HMGCS1: variants seen among roughly 807,000 people sequenced by gnomAD.
HMGCS1 encodes 3-hydroxy-3-methylglutaryl-CoA synthase 1.
HMGCS1 carries 9 observed loss-of-function variants against 52.3 expected under a neutral mutation model. That is an observed-to-expected ratio of 0.17 (90% confidence interval 0.10 to 0.30). The LOEUF is 0.30. Ranked by LOEUF, HMGCS1 falls within the 10% of genes least tolerant of loss-of-function variation. The pLI is 1.00. For missense variants in HMGCS1, 320 were observed against 620.9 expected, an observed-to-expected ratio of 0.52 and a Z score of 5.15; for synonymous variants, 176 against 214.4, an observed-to-expected ratio of 0.82 and a Z score of 1.57.
intron 2 of HMGCS1, among the ~76,000 whole-genome samples, chr5:43,304,069 G>A (rs1423977389): frequency 6.6e-6 from 1 of 152,162 alleles, no homozygotes; most frequent in Non-Finnish European, 1.5e-5. Context: ...AATATAAAAG[G>A]GCTGCCTAAT....
Position 43,292,466 on chromosome 5 carries a change from T to A in HMGCS1, c.1473+8A>T, listed in dbSNP as rs1316619736. 6.2e-7 allele frequency: 1 copy of A among 1,612,300 alleles called. No individual in the cohort carries two copies. The highest frequency in any genetic ancestry group is 1.3e-5 in the African/African-American group (1 of 74,884). On this transcript the variant is annotated splice_region_variant and intron_variant, in intron 10 of 10. Coordinates refer to ENST00000325110, the MANE Select transcript of HMGCS1 (RefSeq NM_001098272.3). ...CTAAGATATGGAGATGGGAACTCTT[T>A]TATTTACCTCAGTTGCTATGTTTGA...
chr5:43,295,996 G>C, intron 5 of HMGCS1, 79 bp from the exon 6 acceptor site: 1 of 1,059,240 alleles, frequency 9.4e-7, no homozygotes, highest in Non-Finnish European at 1.4e-6. Flanking sequence ...ATAAAGCTAG[G>C]ATATTTGTAT....
rs1753933377 is a variant in HMGCS1, at chr5:43,294,455, T to TA, written c.1076+235dup. ...TATGGTTCAACTGTAGGTCAAGAAT[T>TA]AAAAAACCATGAAAACAGAAGCCAG... is the stretch of plus-strand genomic sequence containing the variant. On this transcript the variant is annotated intron_variant, in intron 7 of 10. Coordinates refer to ENST00000325110, the MANE Select transcript of HMGCS1 (RefSeq NM_001098272.3). The TA allele has an allele frequency of 8.1e-6, 4 of 491,448 alleles. No individual in the cohort carries two copies. In the Admixed American group the frequency reaches 1.5e-4, roughly 18 times the overall value. The allele number at this position is 491,448 out of a possible 1,614,324, so 30.4% of individuals were successfully genotyped here.
chr5:43,287,611 C>T lies in HMGCS1; in HGVS notation c.*3520G>A, dbSNP rs961527404. 6 of 152,226 alleles carry T rather than the reference C, an allele frequency of 3.9e-5. No homozygotes were observed. The highest frequency in any genetic ancestry group is 1.9e-4 in the East Asian group (1 of 5,180). The allele number at this position is 152,226 out of a possible 1,614,324, so 9.4% of individuals were successfully genotyped here. A position where few individuals can be genotyped will look rare whatever the true frequency, so the allele number is the denominator to read the frequency against. Reference sequence around the variant, plus strand: ...TCTCCTCCTCTTTTGAGGAGACTTACGAAATGCATTTCAGAACTGTCTGCC... The same window carrying T: ...TCTCCTCCTCTTTTGAGGAGACTTATGAAATGCATTTCAGAACTGTCTGCC... On this transcript the variant is annotated 3_prime_UTR_variant, in exon 11 of 11. Coordinates refer to ENST00000325110, the MANE Select transcript of HMGCS1 (RefSeq NM_001098272.3).
At chr5:43,299,762 G>C (rs141844828) in intron 2 of HMGCS1, among the ~76,000 whole-genome samples, 1 of 152,146 alleles carries the variant, frequency 6.6e-6, no homozygotes, top group Non-Finnish European at 1.5e-5. Context: ...GTAGTGTCTA[G>C]ATTTACTTAC....
At chr5:43,311,754 T>C (rs1020974221) in intron 1 of HMGCS1, among the ~76,000 whole-genome samples, 1 of 152,156 alleles carries the variant, frequency 6.6e-6, no homozygotes, top group Non-Finnish European at 1.5e-5. Flanking sequence ...ATATTTAAGA[T>C]GAAAAACAAA....
rs1247350655 is a variant in HMGCS1 at position 43,290,370 on chromosome 5, G to C, written c.*761C>G. On this transcript the variant is annotated 3_prime_UTR_variant, in exon 11 of 11. Coordinates refer to ENST00000325110, the MANE Select transcript of HMGCS1 (RefSeq NM_001098272.3). ...TGTTCAGCATAATCTACCATGAACT[G>C]ATTCAGGAGCACACCTAGAGCTATA... The C allele has an allele frequency of 6.6e-6, 1 of 152,230 alleles. No individual in the cohort carries two copies. The highest frequency in any genetic ancestry group is 2.4e-5 in the African/African-American group (1 of 41,420). 9.4% of individuals were successfully genotyped at this position (152,230 alleles called of 1,614,324 possible).
chr5:43,298,449 T>G lies in HMGCS1; in HGVS notation c.448+69A>C, dbSNP rs1754142374. The G allele has an allele frequency of 5.5e-6, 6 of 1,100,912 alleles. No individual in the cohort carries two copies. In the East Asian group the frequency reaches 1.4e-4, roughly 26 times the overall value. 68.2% of individuals were successfully genotyped at this position (1,100,912 alleles called of 1,614,324 possible). A position where few individuals can be genotyped will look rare whatever the true frequency, so the allele number is the denominator to read the frequency against. Reference sequence around the variant, plus strand: ...AGTTTGCGTATTGCATTAATTAAAGTGTCATCTGGGTCTATTGAACCTTAG... The same window carrying G: ...AGTTTGCGTATTGCATTAATTAAAGGGTCATCTGGGTCTATTGAACCTTAG... On this transcript the variant is annotated intron_variant, in intron 3 of 10. Coordinates refer to ENST00000325110, the MANE Select transcript of HMGCS1 (RefSeq NM_001098272.3). The surrounding 1 kb of genome is among the most constrained non-coding windows in gnomAD (Gnocchi z 5.6).
At position 43,289,292 on chromosome 5, in the gene HMGCS1, G is replaced by C. The variant is rs546753049; in HGVS notation, c.*1839C>G. 1 of 152,662 alleles carries C rather than the reference G, an allele frequency of 6.6e-6. No individual in the cohort carries two copies. Among genetic ancestry groups the C allele is most frequent in the Admixed American group, 6.5e-5 (1 of 15,298 alleles). The allele number at this position is 152,662 out of a possible 1,614,324, so 9.5% of individuals were successfully genotyped here. A position where few individuals can be genotyped will look rare whatever the true frequency, so the allele number is the denominator to read the frequency against. On this transcript the variant is annotated 3_prime_UTR_variant, in exon 11 of 11. Transcript: ENST00000325110. The stretch of plus-strand genomic sequence containing the variant: ...GAAATGATAAATGAATGGAATGAGT[G>C]AACGAACTGAAATGAAATTAATGCC...
At chr5:43,303,443 C>T (rs1445200728) in intron 2 of HMGCS1, among the ~76,000 whole-genome samples, 5 of 152,238 alleles carry the variant, frequency 3.3e-5, no homozygotes, top group African/African-American at 9.6e-5. Context: ...GAGCCCTGAT[C>T]GGGAACCAAC....
At chr5:43,296,443 C>G (rs1161287001) in intron 5 of HMGCS1, among the ~76,000 whole-genome samples, 1 of 152,028 alleles carries the variant, frequency 6.6e-6, no homozygotes, top group Non-Finnish European at 1.5e-5. Flanking sequence ...ATTTTTAACC[C>G]CTTCTCATAA....
Position 43,291,106 on chromosome 5 carries a change from G to C in HMGCS1, c.*25C>G. On this transcript the variant is annotated 3_prime_UTR_variant, in exon 11 of 11. Coordinates refer to ENST00000325110, the MANE Select transcript of HMGCS1 (RefSeq NM_001098272.3). Reference sequence around the variant, plus strand: ...CCCCACCCCATGCCCACCCCACCCTGAAGTCTTGCACCTCACAGAGTATCT... The same window carrying C: ...CCCCACCCCATGCCCACCCCACCCTCAAGTCTTGCACCTCACAGAGTATCT... The C allele has an allele frequency of 1.4e-6, 1 of 699,096 alleles. No homozygotes were observed. Among genetic ancestry groups the C allele is most frequent in the Non-Finnish European group, 2.4e-6 (1 of 420,478 alleles). 43.3% of individuals were successfully genotyped at this position (699,096 alleles called of 1,614,324 possible).
chr5:43,309,244 T>G (rs1489222107), intron 1 of HMGCS1, among the ~76,000 whole-genome samples: 3 of 151,912 alleles, frequency 2.0e-5, no homozygotes, highest in African/African-American at 7.3e-5. Flanking sequence ...TCAAATTTTT[T>G]TTTTTTTTTG....
chr5:43,307,532 G>A (rs766735766), intron 2 of HMGCS1, among the ~76,000 whole-genome samples: 1 of 152,108 alleles, frequency 6.6e-6, no homozygotes, highest in Non-Finnish European at 1.5e-5. Flanking sequence ...TCTCTTATGA[G>A]TGAACACTAA....
At chr5:43,302,566 CAG>C (rs1265639259) in intron 2 of HMGCS1, among the ~76,000 whole-genome samples, 1 of 152,154 alleles carries the variant, frequency 6.6e-6, no homozygotes, top group Non-Finnish European at 1.5e-5. Flanking sequence ...TGCTATCAGA[CAG>C]AAGCCAATTA....
intron 2 of HMGCS1, among the ~76,000 whole-genome samples, chr5:43,306,929 A>T (rs1413928692): frequency 1.3e-5 from 2 of 152,214 alleles, no homozygotes; most frequent in African/African-American, 4.8e-5. Flanking sequence ...ATTAACACCC[A>T]TAGGAAATCA....
intron 1 of HMGCS1, among the ~76,000 whole-genome samples, chr5:43,310,394 T>C (rs2111752354): frequency 6.6e-6 from 1 of 152,350 alleles, no homozygotes; most frequent in South Asian, 2.1e-4. Flanking sequence ...TAGCCTACTC[T>C]CTATGGAAAA....
chr5:43,309,818 A>G (rs868624488), intron 1 of HMGCS1, among the ~76,000 whole-genome samples: 3 of 152,182 alleles, frequency 2.0e-5, no homozygotes, highest in African/African-American at 7.2e-5. Flanking sequence ...AGGTTTGCAG[A>G]CTCATGGGAT....
At position 43,294,732 on chromosome 5, in the gene HMGCS1, G is replaced by A. The variant is rs752769193; in HGVS notation, c.1035C>T (p.Tyr345=). 3.0e-5 allele frequency: 49 copies of A among 1,612,176 alleles called. No individual in the cohort carries two copies. The highest frequency in any genetic ancestry group is 3.3e-4 in the Middle Eastern group (2 of 6,070). Residue 345 remains tyrosine (Y), a synonymous_variant, in exon 7 of 11, where the codon TAC becomes TAT. Coordinates refer to ENST00000325110, the MANE Select transcript of HMGCS1 (RefSeq NM_001098272.3). ...CAAGGGAACCATATACTGAAGATGT[G>A]TACATATTTCCATTTTGATTTGATA... ...LLVSNQNGNM[Y]TSSVYGSLAS...
Sources: gnomAD v4.1 joint callset for allele counts (sites outside exome capture counted in the v4.1 genomes callset) on GRCh38, gnomAD v4.1.1 for gene constraint, Gnocchi (gnomAD v3.1) non-coding constraint, MANE v1.5 for transcripts, NCBI Gene and HGNC (gene_info 2026-07-23, HGNC 2026-07-21) for gene names.